The following TOR1B variants were observed in gnomAD, a reference collection of about 807,000 sequenced individuals.
The protein encoded by TOR1B is torsin-1B.
Under a neutral mutation model 29.2 loss-of-function variants are expected in TOR1B, and 14 were observed. The observed-to-expected ratio is 0.48, with a 90% CI of 0.32 to 0.75. The LOEUF is 0.75. Ranked by LOEUF, TOR1B falls within the 30% of genes least tolerant of loss-of-function variation. TOR1B has a pLI of 0.04. For missense variants in TOR1B, 400 were observed against 433.9 expected (o/e 0.92, Z 0.69); for synonymous variants, 166 against 179.8 (o/e 0.92, Z 0.62).
chr9:129,804,836 C>CAA (rs34803368), intron 2 of TOR1B, among the ~76,000 whole-genome samples: 4,926 of 50,224 alleles, frequency 0.098, 335 homozygotes, highest in African/African-American at 0.19. Context: ...TACTCGGTCT[C>CAA]AAAAAAAAAA....
In TOR1B at chr9:129,809,966, T is replaced by C; in HGVS notation, c.*383T>C. The stretch of plus-strand genomic sequence containing the variant: ...CAGCAGTCCAGCTGTTCTTTGCAGC[T>C]GGAGATGAACTTTTAAAAATCCCCT... On this transcript the variant is annotated 3_prime_UTR_variant, in exon 5 of 5. Coordinates refer to ENST00000259339, the MANE Select transcript of TOR1B (RefSeq NM_014506.3). The C allele has an allele frequency of 5.1e-6, 6 of 1,181,754 alleles. No individual in the cohort carries two copies. The highest frequency in any genetic ancestry group is 6.4e-6 in the Non-Finnish European group (6 of 937,846). The allele number at this position is 1,181,754 out of a possible 1,614,324, so 73.2% of individuals were successfully genotyped here.
chr9:129,809,303 C>T (rs543771652), intron 4 of TOR1B, 39 bp from the exon 5 acceptor site: 26 of 1,611,466 alleles, frequency 1.6e-5, no homozygotes, highest in South Asian at 3.3e-5. Context: ...GGCCAGGTGG[C>T]GGTGGTGGCA....
chr9:129,808,779 C>G lies in TOR1B; in HGVS notation c.642-126C>G, dbSNP rs112782023. The G allele has an allele frequency of 4.1e-5, 49 of 1,193,708 alleles. 1 individual carries two copies. In the African/African-American group the frequency reaches 4.8e-4, roughly 12 times the overall value. The allele number at this position is 1,193,708 out of a possible 1,614,324, so 73.9% of individuals were successfully genotyped here. ...GTTGGTCAGGCTGGCCTTGAACTCC[C>G]GACCTCAGGTGATCTACCTGCCTCG... On this transcript the variant is annotated intron_variant, in intron 3 of 4. Transcript: ENST00000259339.
chr9:129,804,449 G>A (rs1264280420), intron 2 of TOR1B, 111 bp downstream of exon 2: 2 of 1,388,172 alleles, frequency 1.4e-6, no homozygotes, highest in Admixed American at 4.0e-5. Context: ...GTAGCCCCCG[G>A]CTCCACTGAG....
rs1298466922 is a variant in TOR1B, at chr9:129,804,325, T to C, written c.452T>C (p.Ile151Thr). 3 of 1,612,566 alleles carry C rather than the reference T, an allele frequency of 1.9e-6. No individual in the cohort carries two copies. The highest frequency in any genetic ancestry group is 2.5e-6 in the Non-Finnish European group (3 of 1,178,682). The change falls in exon 2 of 5, where the codon ATA (isoleucine) becomes ACA (threonine). Residue 151 changes from isoleucine (I) to threonine (T), a missense_variant. Physicochemically the swap from Ile to Thr is moderately conservative, Grantham distance 89. Transcript: ENST00000259339. The stretch of plus-strand genomic sequence containing the variant: ...CTGCACTTCCCTCATGAGCAGAAGA[T>C]AAAACTGTACCAGGCAAGAGAACCC... The part of the protein sequence containing the change: ...STLHFPHEQK[I>T]KLYQDQLQKW...
intron 2 of TOR1B, among the ~76,000 whole-genome samples, chr9:129,805,485 A>C (rs1484102273): frequency 6.6e-6 from 1 of 152,060 alleles, no homozygotes; most frequent in Admixed American, 6.5e-5. Context: ...TTACTCCTAC[A>C]ATCTTTGTAG....
rs757428205 is a variant in TOR1B, at chr9:129,809,628, G to C, written c.*45G>C. On this transcript the variant is annotated 3_prime_UTR_variant, in exon 5 of 5. Coordinates refer to ENST00000259339, the MANE Select transcript of TOR1B (RefSeq NM_014506.3). ...AGGAGACAGCTGGGAGGCTCCGCACGCCAGAGGCCTTGCCTTTCAGAAGAA... is the reference window on the plus strand; with the variant it reads ...AGGAGACAGCTGGGAGGCTCCGCACCCCAGAGGCCTTGCCTTTCAGAAGAA... 2 of 1,608,020 alleles carry C rather than the reference G, an allele frequency of 1.2e-6. No homozygotes were observed. The highest frequency in any genetic ancestry group is 1.7e-6 in the Non-Finnish European group (2 of 1,176,116).
At chr9:129,809,307 G>A (rs756753862) in intron 4 of TOR1B, 35 bp from the exon 5 acceptor site, 2 of 1,612,042 alleles carry the variant, frequency 1.2e-6, no homozygotes, top group African/African-American at 2.7e-5. Flanking sequence ...AGGTGGCGGT[G>A]GTGGCAGGAA....
At chr9:129,804,448 G>T in intron 2 of TOR1B, 110 bp downstream of exon 2, 1 of 1,406,896 alleles carries the variant, frequency 7.1e-7, no homozygotes, top group Non-Finnish European at 9.7e-7. Flanking sequence ...TGTAGCCCCC[G>T]GCTCCACTGA....
At position 129,810,440 on chromosome 9, in the gene TOR1B, G is replaced by T. The variant is rs2030799440; in HGVS notation, c.*857G>T. ...GTCCATCGCTCTAGCTGCTAATACA[G>T]CCCTGGCTGTGGAATCCTTCACCGT... On this transcript the variant is annotated 3_prime_UTR_variant, in exon 5 of 5. Transcript: ENST00000259339. 22 of 1,176,914 alleles carry T rather than the reference G, an allele frequency of 1.9e-5. No homozygotes were observed. The South Asian group carries it at 3.5e-4, about 19-fold the overall frequency. The allele number at this position is 1,176,914 out of a possible 1,614,324, so 72.9% of individuals were successfully genotyped here. A position where few individuals can be genotyped will look rare whatever the true frequency, so the allele number is the denominator to read the frequency against.
rs904797166 is a variant in TOR1B, at chr9:129,809,980, T to A, written c.*397T>A. 1 of 1,177,746 alleles carries A rather than the reference T, an allele frequency of 8.5e-7. No individual in the cohort carries two copies. Among genetic ancestry groups the A allele is most frequent in the Non-Finnish European group, 1.1e-6 (1 of 934,366 alleles). 73.0% of individuals were successfully genotyped at this position (1,177,746 alleles called of 1,614,324 possible). A position where few individuals can be genotyped will look rare whatever the true frequency, so the allele number is the denominator to read the frequency against. On this transcript the variant is annotated 3_prime_UTR_variant, in exon 5 of 5. Coordinates refer to ENST00000259339, the MANE Select transcript of TOR1B (RefSeq NM_014506.3). ...TTCTTTGCAGCTGGAGATGAACTTT[T>A]AAAAATCCCCTTCACACTTAATGTA...
At chr9:129,809,176 T>C (rs1352957435) in intron 4 of TOR1B, 144 bp downstream of exon 4, 2 of 1,515,240 alleles carry the variant, frequency 1.3e-6, no homozygotes, top group Middle Eastern at 2.1e-4. Context: ...CATACTGTGC[T>C]AGAAACCAGT....
rs1376785934 is a variant in TOR1B, at chr9:129,810,411, G to A, written c.*828G>A. 16 of 1,216,252 alleles carry A rather than the reference G, an allele frequency of 1.3e-5. No homozygotes were observed. In the East Asian group the frequency reaches 2.9e-4, roughly 22 times the overall value. 75.3% of individuals were successfully genotyped at this position (1,216,252 alleles called of 1,614,324 possible). A position where few individuals can be genotyped will look rare whatever the true frequency, so the allele number is the denominator to read the frequency against. ...AGACCTGGACAGACAGGCCCCTCCC[G>A]CCTGTCCATCGCTCTAGCTGCTAAT... On this transcript the variant is annotated 3_prime_UTR_variant, in exon 5 of 5. Coordinates refer to ENST00000259339, the MANE Select transcript of TOR1B (RefSeq NM_014506.3).
rs758202947 is a variant in TOR1B, at chr9:129,803,406, C to T, written c.194C>T (p.Ala65Val). The change falls in exon 1 of 5, where the codon GCT (alanine) becomes GTT (valine). Residue 65 changes from alanine to valine, a missense_variant. Transcript: ENST00000259339. ...ECCREERPLN[A>V]SALKLDLEEK... ...TGCCGCGAGGAGCGGCCGCTCAACG[C>T]TTCGGGTACGGCGCGCGCGCGAGCT... is the stretch of plus-strand genomic sequence containing the variant. 7 of 1,536,606 alleles carry T rather than the reference C, an allele frequency of 4.6e-6. No homozygotes were observed. Among genetic ancestry groups the T allele is most frequent in the Middle Eastern group, 1.7e-4 (1 of 5,806 alleles).
Position 129,809,587 on chromosome 9 carries a change from C to G in TOR1B, c.*4C>G. Reference sequence around the variant, plus strand: ...GTCGCGGCTGGATTTCCACTGAGCTCCTATCCAGATGGGGTAGGAGACAGC... The same window carrying G: ...GTCGCGGCTGGATTTCCACTGAGCTGCTATCCAGATGGGGTAGGAGACAGC... On this transcript the variant is annotated 3_prime_UTR_variant, in exon 5 of 5. Coordinates refer to ENST00000259339, the MANE Select transcript of TOR1B (RefSeq NM_014506.3). 1 of 1,614,150 alleles carries G rather than the reference C, an allele frequency of 6.2e-7. No homozygotes were observed. Among genetic ancestry groups the G allele is most frequent in the Non-Finnish European group, 8.5e-7 (1 of 1,180,030 alleles).
At chr9:129,805,154 AAG>A (rs1028734386) in intron 2 of TOR1B, among the ~76,000 whole-genome samples, 3 of 149,238 alleles carry the variant, frequency 2.0e-5, no homozygotes, top group Admixed American at 6.7e-5. Flanking sequence ...AAAAAAAAAA[AAG>A]AGAGATGTAG....
Position 129,809,506 on chromosome 9 carries a change from A to T in TOR1B, c.934A>T (p.Thr312Ser). ...TGTCACAAGAGTGGCAGAGGAAATG[A>T]CGTTTTTCCCCAGAGACGAGAAAAT... is the stretch of plus-strand genomic sequence containing the variant. ...DIVTRVAEEMTFFPRDEKIYS... is the reference protein window; with the variant it reads ...DIVTRVAEEMSFFPRDEKIYS... The change falls in exon 5 of 5, where the codon ACG becomes TCG. Residue 312 changes from threonine (T) to serine (S), a missense_variant. By Grantham distance (58) the Thr-to-Ser change is moderately conservative (BLOSUM62 1). Coordinates refer to ENST00000259339, the MANE Select transcript of TOR1B (RefSeq NM_014506.3). 1 of 1,614,168 alleles carries T rather than the reference A, an allele frequency of 6.2e-7. No homozygotes were observed. The highest frequency in any genetic ancestry group is 8.5e-7 in the Non-Finnish European group (1 of 1,180,028).
intron 2 of TOR1B, among the ~76,000 whole-genome samples, chr9:129,805,226 G>A (rs536567350): frequency 1.3e-5 from 2 of 152,172 alleles, no homozygotes; most frequent in South Asian, 2.1e-4. Context: ...CCGCCAAGGC[G>A]GGCGGATCAC....
At position 129,803,187 on chromosome 9, in the gene TOR1B, G is replaced by A. The variant is rs1368365704; in HGVS notation, c.-26G>A. ...TTGGCCGCGGGGCGCCTGGCTCAGT[G>A]GCTTCTGCGGGCTTCGAGGAGCGGG... On this transcript the variant is annotated 5_prime_UTR_variant, in exon 1 of 5. Transcript: ENST00000259339. 2.1e-6 allele frequency: 3 copies of A among 1,431,262 alleles called. No individual in the cohort carries two copies. Among genetic ancestry groups the A allele is most frequent in the East Asian group, 2.7e-5 (1 of 36,642 alleles). The allele number at this position is 1,431,262 out of a possible 1,614,324, so 88.7% of individuals were successfully genotyped here.
Sources: gnomAD v4.1 joint callset for allele counts (sites outside exome capture counted in the v4.1 genomes callset) on GRCh38, gnomAD v4.1.1 for gene constraint, MANE v1.5 for transcripts, NCBI Gene and HGNC (gene_info 2026-07-23, HGNC 2026-07-21) for gene names.